Variants in EPHA6 observed in about 807,000 individuals in gnomAD.
EPHA6 encodes ephrin type-A receptor 6.
Under a neutral mutation model 112.0 loss-of-function variants are expected in EPHA6, and 50 were observed. That is an observed-to-expected ratio of 0.45 (90% confidence interval 0.36 to 0.56). The LOEUF (loss-of-function observed/expected upper bound fraction) is 0.56. Ranked by LOEUF, EPHA6 falls within the 20% of genes least tolerant of loss-of-function variation. The pLI is 0.00. For synonymous variants in EPHA6, 529 were observed against 490.7 expected (o/e 1.08, Z -1.03); for missense variants, 1,280 against 1,417.4 (o/e 0.90, Z 1.56).
At chr3:97,446,789 G>A (rs1234658493) in intron 6 of EPHA6, among the ~76,000 whole-genome samples, 4 of 152,044 alleles carry the variant, frequency 2.6e-5, no homozygotes. Context: ...CACAATATGT[G>A]TTTTAAGCCA....
At chr3:96,833,554 A>G (rs950709976) in intron 1 of EPHA6, among the ~76,000 whole-genome samples, 1 of 152,030 alleles carries the variant, frequency 6.6e-6, no homozygotes. Flanking sequence ...CAAAGCTTGC[A>G]TTCTTAAGGA....
At chr3:97,120,072 T>C (rs2047999543) in intron 3 of EPHA6, among the ~76,000 whole-genome samples, 1 of 152,020 alleles carries the variant, frequency 6.6e-6, no homozygotes, top group African/African-American at 2.4e-5. Flanking sequence ...ACTAAAGTAG[T>C]TAGTTATCTT....
At chr3:97,674,310 A>AT (rs1251065267) in intron 14 of EPHA6, among the ~76,000 whole-genome samples, 2 of 152,342 alleles carry the variant, frequency 1.3e-5, no homozygotes, top group East Asian at 3.9e-4. Context: ...CTAATGCTTC[A>AT]TAAAACACTC....
intron 3 of EPHA6, among the ~76,000 whole-genome samples, chr3:97,106,517 A>G (rs1278685983): frequency 1.3e-5 from 2 of 152,108 alleles, no homozygotes; most frequent in African/African-American, 4.8e-5. Flanking sequence ...TTCCTGCTCC[A>G]TCCCCCTTCT....
intron 3 of EPHA6, among the ~76,000 whole-genome samples, chr3:97,034,711 G>T (rs2045016069): frequency 6.6e-6 from 1 of 151,796 alleles, no homozygotes; most frequent in Admixed American, 6.6e-5. Flanking sequence ...TTTCAAATTA[G>T]CATAAGCAGT....
chr3:97,382,962 T>C (rs1199244641), intron 5 of EPHA6, among the ~76,000 whole-genome samples: 1 of 152,032 alleles, frequency 6.6e-6, no homozygotes, highest in African/African-American at 2.4e-5. Flanking sequence ...AAAAGTTTGC[T>C]AAGATGACCA....
intron 5 of EPHA6, among the ~76,000 whole-genome samples, chr3:97,300,788 C>G (rs1433913084): frequency 6.6e-6 from 1 of 151,772 alleles, no homozygotes; most frequent in Admixed American, 6.6e-5. Context: ...GGATAGCAGG[C>G]TCGAAGCATG....
intron 6 of EPHA6, among the ~76,000 whole-genome samples, chr3:97,421,228 T>TA (rs36098305): frequency 2.3e-4 from 35 of 152,170 alleles, no homozygotes; most frequent in Admixed American, 5.9e-4. Flanking sequence ...TATATGTTGT[T>TA]AAAAAAACCC....
At chr3:97,218,581 C>T (rs2078100591) in intron 3 of EPHA6, among the ~76,000 whole-genome samples, 8 of 152,118 alleles carry the variant, frequency 5.3e-5, no homozygotes, top group Admixed American at 3.3e-4. Context: ...AGGGAAACCA[C>T]CCCCATGATT....
chr3:97,145,561 T>C (rs2076023586), intron 3 of EPHA6, among the ~76,000 whole-genome samples: 2 of 151,566 alleles, frequency 1.3e-5, no homozygotes, highest in African/African-American at 2.4e-5. Context: ...TTTTAATGCA[T>C]TGTGCTAACA....
intron 6 of EPHA6, among the ~76,000 whole-genome samples, chr3:97,438,315 G>C (rs958672776): frequency 6.6e-5 from 10 of 152,196 alleles, no homozygotes; most frequent in Middle Eastern, 3.4e-3. Context: ...ATACTGTTTT[G>C]TAAAATATTT....
intron 16 of EPHA6, among the ~76,000 whole-genome samples, chr3:97,743,784 T>G (rs2035603459): frequency 6.6e-6 from 1 of 152,074 alleles, no homozygotes; most frequent in Admixed American, 6.6e-5. Flanking sequence ...GCAATAGTGT[T>G]TCTCAAAATA....
intron 14 of EPHA6, among the ~76,000 whole-genome samples, chr3:97,716,195 G>T (rs76843234): frequency 0.057 from 8,743 of 152,218 alleles, 811 homozygotes; most frequent in African/African-American, 0.2. Flanking sequence ...CTCTGTATAT[G>T]ATTCAAGATC....
At chr3:97,029,610 C>T (rs2044754994) in intron 3 of EPHA6, among the ~76,000 whole-genome samples, 4 of 151,998 alleles carry the variant, frequency 2.6e-5, no homozygotes, top group Middle Eastern at 6.8e-3. Flanking sequence ...AAATGAATTG[C>T]AAAGAGGAAA....
intron 11 of EPHA6, among the ~76,000 whole-genome samples, chr3:97,549,185 A>C (rs778750800): frequency 5.2e-4 from 79 of 152,228 alleles, no homozygotes; most frequent in Non-Finnish European, 8.1e-4. Context: ...ACTATAAAAC[A>C]CTATGTGGTT....
rs562755852 is a variant in EPHA6 at position 97,523,455 on chromosome 3, T to C, written c.2201-8903T>C. Among the ~76,000 whole-genome samples the C allele has an allele frequency of 2.0e-5, 3 of 152,216 alleles. No homozygotes were observed. In the South Asian group the frequency reaches 6.2e-4, roughly 31 times the overall value. ...TTGTTTTGTGGCCTATTATCTATCC[T>C]GTAGAATGTTCTGTGTGCACTTGAG... On this transcript the variant is annotated intron_variant, in intron 10 of 17. Transcript: ENST00000389672.
At chr3:96,841,471 T>C (rs185619022) in intron 1 of EPHA6, among the ~76,000 whole-genome samples, 51 of 152,208 alleles carry the variant, frequency 3.4e-4, no homozygotes, top group African/African-American at 1.1e-3. Flanking sequence ...TCTAGCCGGC[T>C]TTGTGGTTGG....
At chr3:97,570,941 C>A (rs2093327041) in intron 11 of EPHA6, among the ~76,000 whole-genome samples, 1 of 151,934 alleles carries the variant, frequency 6.6e-6, no homozygotes, top group Non-Finnish European at 1.5e-5. Context: ...GTCTAGATAC[C>A]AGAATGTAGC....
rs368781059 is a variant in EPHA6 at position 97,535,844 on chromosome 3, A to AT, written c.2386+3310dup. On this transcript the variant is annotated intron_variant, in intron 11 of 17. Coordinates refer to ENST00000389672, the MANE Select transcript of EPHA6 (RefSeq NM_001080448.3). ...ATTCTTTTACAAATTCTTAATATGC[A>AT]TTTTTTTTTATCTCATATAGGATTT... Among the ~76,000 whole-genome samples the AT allele has an allele frequency of 4.8e-3, 734 of 151,492 alleles. 1 individual carries two copies. The highest frequency in any genetic ancestry group is 8.4e-3 in the African/African-American group (347 of 41,348).
Sources: allele counts gnomAD v4.1 joint callset (sites outside exome capture counted in the v4.1 genomes callset), GRCh38; gene constraint gnomAD v4.1.1; transcripts MANE v1.5; gene names NCBI Gene and HGNC (gene_info 2026-07-23, HGNC 2026-07-21).